Variants in PRKG1 observed in about 807,000 individuals in gnomAD.
PRKG1 encodes protein kinase cGMP-dependent 1.
In PRKG1, 35 loss-of-function variants were observed where a neutral mutation model predicts 88.1. The observed-to-expected ratio is 0.40, with a 90% CI of 0.30 to 0.53. PRKG1 has a LOEUF of 0.53. Ranked by LOEUF, PRKG1 falls within the 20% of genes least tolerant of loss-of-function variation. The probability of loss-of-function intolerance (pLI) is 0.59; values close to 1 mark genes in which losing one functional copy is unlikely to be tolerated. For synonymous variants in PRKG1, 303 were observed against 292.5 expected (o/e 1.04, Z -0.37); for missense variants, 540 against 839.8 (o/e 0.64, Z 4.41).
At chr10:51,561,980 T>C (rs1385873476) in intron 3 of PRKG1, among the ~76,000 whole-genome samples, 3 of 152,046 alleles carry the variant, frequency 2.0e-5, no homozygotes, top group African/African-American at 7.2e-5. Context: ...TTTAGCACTT[T>C]GGGAGGCCAA....
At chr10:51,648,926 G>A (rs12254480) in intron 3 of PRKG1, among the ~76,000 whole-genome samples, 1,679 of 152,196 alleles carry the variant, frequency 0.011, 31 homozygotes, top group African/African-American at 0.038. Flanking sequence ...AAAGTAGGCC[G>A]GGCATGGTGG....
chr10:52,180,477 A>G (rs1838987892), intron 9 of PRKG1, among the ~76,000 whole-genome samples: 1 of 152,182 alleles, frequency 6.6e-6, no homozygotes, highest in South Asian at 2.1e-4. Context: ...GTTGATTTCC[A>G]TTCATCTGGT....
chr10:52,112,491 A>G (rs1381725060), intron 7 of PRKG1, among the ~76,000 whole-genome samples: 1 of 152,192 alleles, frequency 6.6e-6, no homozygotes, highest in Non-Finnish European at 1.5e-5. Context: ...GGTTCATAAG[A>G]TATCTTGAAA....
At chr10:51,774,930 T>C (rs556822190) in intron 3 of PRKG1, among the ~76,000 whole-genome samples, 29 of 152,184 alleles carry the variant, frequency 1.9e-4, no homozygotes, top group Non-Finnish European at 3.8e-4. Flanking sequence ...ATTTTAGGAA[T>C]ATTGTTAGTA....
intron 3 of PRKG1, among the ~76,000 whole-genome samples, chr10:51,490,370 G>A (rs1840673929): frequency 6.6e-6 from 1 of 152,170 alleles, no homozygotes; most frequent in African/African-American, 2.4e-5. Context: ...CTATAATGCA[G>A]CAACATAAGT....
At chr10:51,087,187 T>A (rs1300096392) in intron 1 of PRKG1, among the ~76,000 whole-genome samples, 1 of 152,098 alleles carries the variant, frequency 6.6e-6, no homozygotes, top group Non-Finnish European at 1.5e-5. Flanking sequence ...TTTTCTTCAT[T>A]TTTTTTCTGG....
At chr10:51,441,404 T>C (rs1016476702) in intron 2 of PRKG1, among the ~76,000 whole-genome samples, 1 of 152,028 alleles carries the variant, frequency 6.6e-6, no homozygotes, top group Admixed American at 6.6e-5. Context: ...ACCTTTATTT[T>C]TAGCCACACT....
chr10:51,282,944 A>T (rs1484497036), intron 2 of PRKG1, among the ~76,000 whole-genome samples: 1 of 152,184 alleles, frequency 6.6e-6, no homozygotes, highest in Admixed American at 6.5e-5. Context: ...TGGGCTGACT[A>T]AACTTTTAAA....
chr10:51,956,474 TACTTAA>T (rs1843305443), intron 5 of PRKG1, among the ~76,000 whole-genome samples: 1 of 152,094 alleles, frequency 6.6e-6, no homozygotes, highest in Non-Finnish European at 1.5e-5. Context: ...GCCCAATTGA[TACTTAA>T]ACTTAAAAGA....
At chr10:51,330,396 C>A (rs1021199109) in intron 2 of PRKG1, among the ~76,000 whole-genome samples, 3 of 152,128 alleles carry the variant, frequency 2.0e-5, no homozygotes, top group African/African-American at 7.2e-5. Context: ...GGTGATTCAC[C>A]TGCCTTGACC....
At chr10:51,570,770 T>C (rs1199157490) in intron 3 of PRKG1, among the ~76,000 whole-genome samples, 1 of 151,864 alleles carries the variant, frequency 6.6e-6, no homozygotes, top group African/African-American at 2.4e-5. Context: ...GTATAGGGTG[T>C]GAAAATGAAG....
At chr10:51,080,222 C>G (rs1413921966) in intron 1 of PRKG1, among the ~76,000 whole-genome samples, 1 of 152,046 alleles carries the variant, frequency 6.6e-6, no homozygotes, top group East Asian at 1.9e-4. Context: ...GTTGCATGCC[C>G]CCAAAATGGG....
chr10:51,376,011 T>G (rs897766502), intron 2 of PRKG1, among the ~76,000 whole-genome samples: 1 of 152,238 alleles, frequency 6.6e-6, no homozygotes, highest in Non-Finnish European at 1.5e-5. Context: ...AACACTACTC[T>G]GTAGAAATTG....
At chr10:51,430,594 C>T (rs1838733781) in intron 2 of PRKG1, among the ~76,000 whole-genome samples, 1 of 152,118 alleles carries the variant, frequency 6.6e-6, no homozygotes. Flanking sequence ...TCCAGCAATT[C>T]CACTCCTAAA....
chr10:51,975,085 T>C, intron 5 of PRKG1, among the ~76,000 whole-genome samples: 1 of 152,124 alleles, frequency 6.6e-6, no homozygotes, highest in East Asian at 1.9e-4. Flanking sequence ...ATCAATTGTT[T>C]AATGACAGTT....
intron 3 of PRKG1, among the ~76,000 whole-genome samples, chr10:51,637,266 C>G (rs1039878704): frequency 2.0e-5 from 3 of 151,978 alleles, no homozygotes; most frequent in African/African-American, 7.2e-5. Flanking sequence ...GTCAAAAAAA[C>G]AACAGATTTT....
intron 5 of PRKG1, among the ~76,000 whole-genome samples, chr10:52,028,371 G>A (rs1845396886): frequency 6.6e-6 from 1 of 152,104 alleles, no homozygotes; most frequent in South Asian, 2.1e-4. Context: ...AGATTTATGT[G>A]TGTGTCCCTC....
intron 3 of PRKG1, among the ~76,000 whole-genome samples, chr10:51,706,928 G>C (rs1408866885): frequency 7.2e-5 from 11 of 152,136 alleles, no homozygotes; most frequent in Admixed American, 7.2e-4. Context: ...AGTAATAGTA[G>C]ATGAAGTAGC....
intron 1 of PRKG1, among the ~76,000 whole-genome samples, chr10:51,113,971 GTGTGTGTGTGTGTGTTGCT>G (rs1845042439): frequency 6.8e-6 from 1 of 147,806 alleles, no homozygotes; most frequent in African/African-American, 2.5e-5. Flanking sequence ...GTGTGTGTGT[GTGTGTGTGTGTGTGTTGCT>G]TTGATCATTT....
Sources: gnomAD v4.1 joint callset for allele counts (sites outside exome capture counted in the v4.1 genomes callset) on GRCh38, gnomAD v4.1.1 for gene constraint, MANE v1.5 for transcripts, NCBI Gene and HGNC (gene_info 2026-07-23, HGNC 2026-07-21) for gene names.